Variants in PCSK5 observed in about 807,000 individuals in gnomAD.
PCSK5 encodes the protein proprotein convertase subtilisin/kexin type 5, also known as prohormone convertase 5.
PCSK5 carries 129 observed loss-of-function variants against 233.2 expected under a neutral mutation model. That is an observed-to-expected ratio of 0.55 (90% CI 0.48 to 0.64). PCSK5 has a LOEUF of 0.64. PCSK5 is among the 30% of genes least tolerant of loss of function. The pLI is 0.00. For synonymous variants in PCSK5, 825 were observed against 879.2 expected (o/e 0.94, Z 1.09); for missense variants, 2,076 against 2,430.1 (o/e 0.85, Z 3.06).
chr9:75,897,556 C>T (rs1215309925), intron 1 of PCSK5, among the ~76,000 whole-genome samples: 2 of 147,886 alleles, frequency 1.4e-5, no homozygotes. Context: ...TGCAGTGGCA[C>T]AATCTCAGCT....
intron 1 of PCSK5, among the ~76,000 whole-genome samples, chr9:75,919,459 G>C (rs1823147558): frequency 6.6e-6 from 1 of 152,100 alleles, no homozygotes; most frequent in Admixed American, 6.5e-5. Flanking sequence ...AATTTTTCTT[G>C]AGGAATATAC....
Position 76,154,187 on chromosome 9 carries a change from T to C in PCSK5, c.1313-2858T>C, listed in dbSNP as rs1193089035. On this transcript the variant is annotated intron_variant, in intron 10 of 37. Transcript: ENST00000674117. ...TAATATTATATTAGTATGAAGTTTT[T>C]TTCGGTTGACCAGTCTGCAGTTTAA... Among the ~76,000 whole-genome samples, 4 of 152,216 alleles carry C rather than the reference T, an allele frequency of 2.6e-5. No homozygotes were observed. The East Asian group carries it at 7.7e-4, about 29-fold the overall frequency.
Position 76,227,504 on chromosome 9 carries a change from A to C in PCSK5, c.2628A>C (p.Gly876=), listed in dbSNP as rs372713382. ...AAACAACTAGATTTTGTTCCCCAGG[A>C]GAATATGTTGATGAGCATGGCCACT... ...MCQMGAICKD[G]EYVDEHGHCQ... The change falls in exon 21 of 38, where the codon GGA becomes GGC. Residue 876 remains glycine (G), a splice_region_variant and synonymous_variant. Transcript: ENST00000674117. 2.0e-4 allele frequency: 328 copies of C among 1,606,710 alleles called. 2 individuals are homozygous for C. The highest frequency in any genetic ancestry group is 1.8e-3 in the South Asian group (166 of 90,464).
chr9:76,109,790 G>A (rs1056828071), intron 9 of PCSK5, among the ~76,000 whole-genome samples: 13 of 152,160 alleles, frequency 8.5e-5, no homozygotes, highest in African/African-American at 3.1e-4. Context: ...TTGTTGTACA[G>A]CTCAATCTTT....
intron 4 of PCSK5, 31 bp from the exon 5 acceptor site, chr9:76,026,930 C>T: frequency 6.6e-7 from 1 of 1,505,212 alleles, no homozygotes; most frequent in South Asian, 1.2e-5. Flanking sequence ...TGTCCATTTC[C>T]TTTCCCTTGC....
intron 5 of PCSK5, among the ~76,000 whole-genome samples, chr9:76,041,375 G>C (rs1312387618): frequency 1.3e-5 from 2 of 152,134 alleles, no homozygotes; most frequent in African/African-American, 4.8e-5. Context: ...GACTGACAGT[G>C]CCCTGGTATT....
At chr9:76,348,794 C>G (rs1447840221) in intron 35 of PCSK5, among the ~76,000 whole-genome samples, 1 of 151,092 alleles carries the variant, frequency 6.6e-6, no homozygotes, top group Admixed American at 6.6e-5. Flanking sequence ...TCTCCCCAGT[C>G]CCCTCAGCCC....
At chr9:76,075,711 A>T (rs1270737364) in intron 7 of PCSK5, among the ~76,000 whole-genome samples, 3 of 152,258 alleles carry the variant, frequency 2.0e-5, no homozygotes, top group Non-Finnish European at 4.4e-5. Flanking sequence ...GAATGAAGAA[A>T]TAAATGACTG....
chr9:76,176,782 T>G (rs900136177), intron 14 of PCSK5, among the ~76,000 whole-genome samples: 1 of 152,220 alleles, frequency 6.6e-6, no homozygotes, highest in African/African-American at 2.4e-5. Flanking sequence ...ATATGGCCAC[T>G]TTGCTTAACT....
At chr9:76,230,195 T>C (rs1826033403) in intron 21 of PCSK5, among the ~76,000 whole-genome samples, 1 of 152,212 alleles carries the variant, frequency 6.6e-6, no homozygotes, top group African/African-American at 2.4e-5. Flanking sequence ...TGGGTCGTGG[T>C]GACATAACTC....
chr9:75,935,261 G>A (rs1024397294), intron 2 of PCSK5, among the ~76,000 whole-genome samples: 14 of 151,972 alleles, frequency 9.2e-5, no homozygotes, highest in Non-Finnish European at 1.9e-4. Flanking sequence ...TAGAGACAAG[G>A]TTTCACTGTG....
At chr9:76,071,526 CT>C (rs1407329294) in intron 6 of PCSK5, among the ~76,000 whole-genome samples, 199 bp from the exon 7 acceptor site, 1 of 152,136 alleles carries the variant, frequency 6.6e-6, no homozygotes, top group Non-Finnish European at 1.5e-5. Flanking sequence ...TGAAGTTTTG[CT>C]CTTTTATATA....
chr9:76,353,881 A>G (rs895703163), intron 36 of PCSK5, among the ~76,000 whole-genome samples, 152 bp from the exon 37 acceptor site: 1 of 152,150 alleles, frequency 6.6e-6, no homozygotes, highest in Non-Finnish European at 1.5e-5. Flanking sequence ...CTTTCACCCA[A>G]CACAGTTAAA....
chr9:76,189,769 A>ATCTTATGAAGCAAAGTATGATCTT (rs1824276750), intron 20 of PCSK5, 23 bp downstream of exon 20: 1 of 1,222,756 alleles, frequency 8.2e-7, no homozygotes, highest in African/African-American at 1.5e-5. Context: ...GCCCATATCG[A>ATCTTATGAAGCAAAGTATGATCTT]TCTTATGAAG....
intron 3 of PCSK5, among the ~76,000 whole-genome samples, chr9:76,003,807 CTCTTT>C (rs951980861): frequency 2.2e-4 from 29 of 134,742 alleles, no homozygotes; most frequent in African/African-American, 7.6e-4. Context: ...CCATCTCTCT[CTCTTT>C]TATTTATTTT....
intron 7 of PCSK5, among the ~76,000 whole-genome samples, chr9:76,078,401 T>C (rs1830713095): frequency 1.3e-5 from 2 of 152,336 alleles, no homozygotes; most frequent in African/African-American, 4.8e-5. Flanking sequence ...AGGATTCTTA[T>C]AGCTTGAGGT....
intron 1 of PCSK5, among the ~76,000 whole-genome samples, chr9:75,919,080 T>G (rs1823129141): frequency 6.6e-6 from 1 of 152,174 alleles, no homozygotes; most frequent in Admixed American, 6.5e-5. Context: ...AAAAATTCCT[T>G]TGCCTCGGAA....
chr9:76,277,575 G>T (rs999694100), intron 24 of PCSK5, among the ~76,000 whole-genome samples: 1 of 152,128 alleles, frequency 6.6e-6, no homozygotes, highest in African/African-American at 2.4e-5. Flanking sequence ...AGGGAGTTGT[G>T]CCCCACTGTC....
intron 35 of PCSK5, among the ~76,000 whole-genome samples, chr9:76,350,541 A>G (rs146559642): frequency 6.6e-6 from 1 of 152,350 alleles, no homozygotes; most frequent in East Asian, 1.9e-4. Context: ...TAAAGGTTTT[A>G]TAAACTTTCT....
Sources: allele counts gnomAD v4.1 joint callset (sites outside exome capture counted in the v4.1 genomes callset), GRCh38; gene constraint gnomAD v4.1.1; transcripts MANE v1.5; gene names NCBI Gene and HGNC (gene_info 2026-07-23, HGNC 2026-07-21).